Variants in POLR3E observed in about 807,000 individuals in gnomAD.
POLR3E encodes the protein DNA-directed RNA polymerase III subunit RPC5.
A neutral mutation model predicts 96.6 loss-of-function variants in POLR3E; 41 were observed. The ratio of observed to expected loss-of-function variants is 0.42; its 90% CI spans 0.33 to 0.55. The LOEUF is 0.55. Ranked by LOEUF, POLR3E falls within the 20% of genes least tolerant of loss-of-function variation. POLR3E has a pLI of 0.06. For missense variants in POLR3E, 849 were observed against 952.1 expected (o/e 0.89, Z 1.43); for synonymous variants, 396 against 383.6 (o/e 1.03, Z -0.38).
intron 20 of POLR3E, 149 bp from the exon 21 acceptor site, chr16:22,333,495 T>TA: frequency 1.8e-6 from 1 of 560,204 alleles, no homozygotes; most frequent in Non-Finnish European, 3.2e-6. Flanking sequence ...GGGTGGCTGG[T>TA]AGTAGCCATG....
At chr16:22,308,416 G>T in intron 4 of POLR3E, 191 bp downstream of exon 4, 1 of 587,706 alleles carries the variant, frequency 1.7e-6, no homozygotes, top group East Asian at 2.9e-5. Context: ...GGCCAGGGAC[G>T]CATGAGGCTG....
At chr16:22,321,266 A>G (rs1379150552) in intron 13 of POLR3E, among the ~76,000 whole-genome samples, 1 of 152,260 alleles carries the variant, frequency 6.6e-6, no homozygotes, top group African/African-American at 2.4e-5. Context: ...TGTAGCATTA[A>G]TTGCATTAAT....
rs968110441 is a variant in POLR3E, at chr16:22,322,381, G to A, written c.987-469G>A. 3.3e-5 allele frequency among the ~76,000 whole-genome samples: 5 copies of A among 152,138 alleles called. No individual in the cohort carries two copies. The highest frequency in any genetic ancestry group is 7.4e-5 in the Non-Finnish European group (5 of 68,020). On this transcript the variant is annotated intron_variant, in intron 13 of 20. Transcript: ENST00000299853. This position sits in a 1 kb window ranked among gnomAD's most constrained non-coding sequence, Gnocchi z 5.2. Reference sequence around the variant, plus strand: ...TGAGTGCTGAGCCTGTTCTCTCCGAGGGCTAACATGCCTCCCCTGCCTCTG... The same window carrying A: ...TGAGTGCTGAGCCTGTTCTCTCCGAAGGCTAACATGCCTCCCCTGCCTCTG...
chr16:22,315,045 G>C, intron 8 of POLR3E, 44 bp from the exon 9 acceptor site: 1 of 1,604,282 alleles, frequency 6.2e-7, no homozygotes, highest in Non-Finnish European at 8.5e-7. Flanking sequence ...GTCCAGCAAG[G>C]GTCACAGGCC....
chr16:22,320,765 T>A (rs2048457655), intron 13 of POLR3E, among the ~76,000 whole-genome samples: 2 of 152,184 alleles, frequency 1.3e-5, no homozygotes, highest in Admixed American at 6.5e-5. Context: ...ATTTCCTTGG[T>A]TTTTGTGTGT....
Position 22,322,327 on chromosome 16 carries a change from C to T in POLR3E, c.987-523C>T, listed in dbSNP as rs1057427083. ...TCTCGTGCCCTGCTGTCCAAGGCCC[C>T]GGCCTTTCCTCTGAAGTTCCCTGAA... is the stretch of plus-strand genomic sequence containing the variant. On this transcript the variant is annotated intron_variant, in intron 13 of 20. Transcript: ENST00000299853. This position sits in a 1 kb window ranked among gnomAD's most constrained non-coding sequence, Gnocchi z 5.2. Among the ~76,000 whole-genome samples, 6 of 152,202 alleles carry T rather than the reference C, an allele frequency of 3.9e-5. No individual in the cohort carries two copies. The highest frequency in any genetic ancestry group is 1.2e-4 in the African/African-American group (5 of 41,454).
At chr16:22,332,005 A>ATGTT in intron 19 of POLR3E, 55 bp from the exon 20 acceptor site, 2 of 1,578,364 alleles carry the variant, frequency 1.3e-6, no homozygotes, top group South Asian at 2.3e-5. Context: ...TTGTTTGGGG[A>ATGTT]TGTTTCTCTT....
intron 17 of POLR3E, 69 bp downstream of exon 17, chr16:22,325,335 A>G: frequency 8.0e-7 from 1 of 1,245,900 alleles, no homozygotes; most frequent in Non-Finnish European, 1.2e-6. Context: ...CTGCTGTGCT[A>G]GAGCTTGTCA....
At chr16:22,316,536 G>GA in intron 9 of POLR3E, 65 bp from the exon 10 acceptor site, 1 of 1,303,884 alleles carries the variant, frequency 7.7e-7, no homozygotes, top group Non-Finnish European at 1.1e-6. Flanking sequence ...GGAGGCCTTG[G>GA]GGGAGGGGGC....
At chr16:22,299,652 G>T (rs946106850) in intron 1 of POLR3E, among the ~76,000 whole-genome samples, 1 of 152,038 alleles carries the variant, frequency 6.6e-6, no homozygotes, top group East Asian at 1.9e-4. Flanking sequence ...GACCTCAGGT[G>T]ATCCGCCTGC....
chr16:22,299,195 A>G (rs2047969473), intron 1 of POLR3E, among the ~76,000 whole-genome samples: 1 of 152,088 alleles, frequency 6.6e-6, no homozygotes, highest in East Asian at 1.9e-4. Context: ...AACCTTGGAA[A>G]TCCCTGTGGG....
Position 22,313,498 on chromosome 16 carries a change from G to T in POLR3E, c.365-122G>T. 1 of 653,680 alleles carries T rather than the reference G, an allele frequency of 1.5e-6. No homozygotes were observed. The allele number at this position is 653,680 out of a possible 1,614,324, so 40.5% of individuals were successfully genotyped here. A position where few individuals can be genotyped will look rare whatever the true frequency, so the allele number is the denominator to read the frequency against. Reference sequence around the variant, plus strand: ...TGGTCCCAAGACTCTAGGATTGGGGGCTGCAGCGGGAATGGGAGGCGGTTT... The same window carrying T: ...TGGTCCCAAGACTCTAGGATTGGGGTCTGCAGCGGGAATGGGAGGCGGTTT... On this transcript the variant is annotated intron_variant, in intron 6 of 20. Transcript: ENST00000299853. The surrounding 1 kb of genome is among the most constrained non-coding windows in gnomAD (Gnocchi z 4.1).
intron 14 of POLR3E, 142 bp downstream of exon 14, chr16:22,323,073 C>T (rs2048503552): frequency 1.6e-6 from 1 of 608,338 alleles, no homozygotes; most frequent in South Asian, 1.9e-5. Context: ...TGCCTTTCTC[C>T]TCCTTCCTCT....
intron 4 of POLR3E, chr16:22,308,431 A>C: frequency 1.8e-6 from 1 of 569,642 alleles, no homozygotes; most frequent in Admixed American, 2.9e-5. Context: ...AGGCTGATGA[A>C]TGAGAGAATG....
chr16:22,297,957 C>T (rs1415297100), intron 1 of POLR3E, among the ~76,000 whole-genome samples: 1 of 152,226 alleles, frequency 6.6e-6, no homozygotes, highest in Non-Finnish European at 1.5e-5. Context: ...GGCTCGGGAT[C>T]GGCGGCCCGC....
At chr16:22,319,351 A>C (rs902447881) in intron 13 of POLR3E, among the ~76,000 whole-genome samples, 2 of 151,824 alleles carry the variant, frequency 1.3e-5, no homozygotes, top group African/African-American at 4.8e-5. Flanking sequence ...TTAAATCTAC[A>C]GTGCTTTCTA....
intron 19 of POLR3E, among the ~76,000 whole-genome samples, chr16:22,330,056 C>T (rs1174986074): frequency 9.4e-5 from 14 of 148,848 alleles, no homozygotes; most frequent in Middle Eastern, 3.5e-3. Context: ...TATGTTACGC[C>T]AGTTTTTTTT....
At chr16:22,327,503 C>G (rs1598275100) in intron 18 of POLR3E, 1 of 152,306 alleles carries the variant, frequency 6.6e-6, no homozygotes, top group African/African-American at 2.4e-5. Flanking sequence ...ACACCCTCAC[C>G]CCTCCTTCCG....
rs2048415326 is a variant in POLR3E, at chr16:22,318,955, CTTT to C, written c.986+14_986+16del. ...AACTGGGTGGTGAAGAGGTAAGTTGCTTTTTTTATTTTTTATTTTTATTTATTT... is the reference window on the plus strand; with the variant it reads ...AACTGGGTGGTGAAGAGGTAAGTTGCTTTTATTTTTTATTTTTATTTATTT... On this transcript the variant is annotated intron_variant, in intron 13 of 20. Transcript: ENST00000299853. The surrounding 1 kb of genome is among the most constrained non-coding windows in gnomAD (Gnocchi z 5.0). The C allele has an allele frequency of 6.4e-7, 1 of 1,571,042 alleles. No homozygotes were observed. Among genetic ancestry groups the C allele is most frequent in the Non-Finnish European group, 8.6e-7 (1 of 1,162,412 alleles).
Sources: gnomAD v4.1 joint callset for allele counts (sites outside exome capture counted in the v4.1 genomes callset) on GRCh38, gnomAD v4.1.1 for gene constraint, Gnocchi (gnomAD v3.1) non-coding constraint, MANE v1.5 for transcripts, NCBI Gene and HGNC (gene_info 2026-07-23, HGNC 2026-07-21) for gene names.